CAP2: variants seen among roughly 807,000 people sequenced by gnomAD.
CAP2 encodes cyclase associated actin cytoskeleton regulatory protein 2, also known as adenylyl cyclase-associated protein 2.
A neutral mutation model predicts 57.7 loss-of-function variants in CAP2; 24 were observed. The ratio of observed to expected loss-of-function variants is 0.42; its 90% CI spans 0.30 to 0.58. CAP2 has a LOEUF of 0.58. CAP2 is among the 20% of genes least tolerant of loss of function. The pLI, the probability that CAP2 is intolerant of heterozygous loss-of-function variation, is 0.22. For synonymous variants in CAP2, 194 were observed against 207.2 expected, an observed-to-expected ratio of 0.94 and a Z score of 0.55; for missense variants, 501 against 590.3, an observed-to-expected ratio of 0.85 and a Z score of 1.57.
At chr6:17,412,929 G>T (rs188151656) in intron 1 of CAP2, among the ~76,000 whole-genome samples, 138 of 152,306 alleles carry the variant, frequency 9.1e-4, no homozygotes, top group African/African-American at 3.0e-3. Flanking sequence ...TCTTGGAGGA[G>T]CTGGGATTTG....
chr6:17,443,979 C>T (rs1197439346), intron 3 of CAP2, among the ~76,000 whole-genome samples: 1 of 152,134 alleles, frequency 6.6e-6, no homozygotes, highest in Non-Finnish European at 1.5e-5. Flanking sequence ...AATCCTTTCC[C>T]TTTTAGAAAA....
chr6:17,506,899 T>A (rs1392781984), intron 4 of CAP2, among the ~76,000 whole-genome samples: 1 of 152,208 alleles, frequency 6.6e-6, no homozygotes, highest in Non-Finnish European at 1.5e-5. Flanking sequence ...AAATGGGGGC[T>A]GTGCCATACT....
At chr6:17,431,406 T>C (rs1759730558) in intron 3 of CAP2, among the ~76,000 whole-genome samples, 1 of 152,152 alleles carries the variant, frequency 6.6e-6, no homozygotes, top group Non-Finnish European at 1.5e-5. Context: ...CAACTAAACG[T>C]AACACACATA....
chr6:17,434,376 G>A (rs1396057835), intron 3 of CAP2, among the ~76,000 whole-genome samples: 1 of 151,684 alleles, frequency 6.6e-6, no homozygotes, highest in Non-Finnish European at 1.5e-5. Flanking sequence ...CTATAGACCC[G>A]CACCACCAAG....
chr6:17,428,541 G>A (rs551922752), intron 3 of CAP2, among the ~76,000 whole-genome samples: 26 of 148,970 alleles, frequency 1.7e-4, no homozygotes, highest in African/African-American at 5.4e-4. Context: ...GGGGCTTTTC[G>A]CATATTCTCA....
intron 1 of CAP2, among the ~76,000 whole-genome samples, chr6:17,409,321 G>A (rs1321256020): frequency 6.6e-6 from 1 of 151,610 alleles, no homozygotes; most frequent in Non-Finnish European, 1.5e-5. Context: ...GCGGTGAGCC[G>A]AGATCACGCC....
intron 3 of CAP2, among the ~76,000 whole-genome samples, chr6:17,456,270 G>A (rs1324221895): frequency 2.0e-5 from 3 of 152,294 alleles, no homozygotes; most frequent in East Asian, 1.9e-4. Flanking sequence ...AGCCTTCTGC[G>A]AGGTGCATAA....
intron 7 of CAP2, among the ~76,000 whole-genome samples, chr6:17,529,666 ATATATG>A (rs1379677014): frequency 1.4e-5 from 2 of 146,732 alleles, no homozygotes; most frequent in East Asian, 3.9e-4. Context: ...ATATATATAT[ATATATG>A]TATAAACACA....
chr6:17,441,903 T>G (rs962338771), intron 3 of CAP2, among the ~76,000 whole-genome samples: 8 of 152,292 alleles, frequency 5.3e-5, no homozygotes, highest in African/African-American at 1.4e-4. Context: ...TTTTCTGTTA[T>G]GTACGTAACC....
Position 17,426,587 on chromosome 6 carries a change from A to G in CAP2, c.122-3A>G. 1 of 1,611,158 alleles carries G rather than the reference A, an allele frequency of 6.2e-7. No individual in the cohort carries two copies. Among genetic ancestry groups the G allele is most frequent in the Non-Finnish European group, 8.5e-7 (1 of 1,177,482 alleles). On this transcript the variant is annotated splice_polypyrimidine_tract_variant and splice_region_variant and intron_variant, in intron 2 of 12. Transcript: ENST00000229922. ...GGAATAACAAACTGCTCCTTTCCCC[A>G]AGGTGTGGCACCCTCCGTGGAAGCC...
chr6:17,429,813 G>A (rs1031473496), intron 3 of CAP2, among the ~76,000 whole-genome samples: 1 of 152,202 alleles, frequency 6.6e-6, no homozygotes, highest in African/African-American at 2.4e-5. Flanking sequence ...AGTACAGGCA[G>A]CTATAGTCCA....
At chr6:17,420,434 A>G (rs1312559057) in intron 1 of CAP2, among the ~76,000 whole-genome samples, 1 of 152,248 alleles carries the variant, frequency 6.6e-6, no homozygotes, top group Non-Finnish European at 1.5e-5. Context: ...ATAAGTGGAA[A>G]ACAATTAGCT....
At chr6:17,436,093 C>T (rs1759879298) in intron 3 of CAP2, among the ~76,000 whole-genome samples, 10 of 146,930 alleles carry the variant, frequency 6.8e-5, no homozygotes, top group African/African-American at 2.1e-4. Flanking sequence ...TTCTTTCCTT[C>T]CTTCCTTCCT....
intron 4 of CAP2, among the ~76,000 whole-genome samples, chr6:17,487,299 C>G (rs922302135): frequency 6.6e-6 from 1 of 152,230 alleles, no homozygotes; most frequent in East Asian, 1.9e-4. Flanking sequence ...GGTGCTGTCC[C>G]CCTTTCCCTG....
At chr6:17,499,117 G>T (rs1438269029) in intron 4 of CAP2, among the ~76,000 whole-genome samples, 1 of 151,996 alleles carries the variant, frequency 6.6e-6, no homozygotes, top group African/African-American at 2.4e-5. Flanking sequence ...TAAAATAAGG[G>T]CTTTAAAGTG....
At chr6:17,471,586 A>C (rs867306543) in intron 4 of CAP2, among the ~76,000 whole-genome samples, 34 of 152,168 alleles carry the variant, frequency 2.2e-4, no homozygotes, top group Admixed American at 3.3e-4. Context: ...TAATCCCAGC[A>C]CTTTGGGAGT....
chr6:17,456,389 C>T (rs556321033), intron 3 of CAP2, among the ~76,000 whole-genome samples: 1 of 152,286 alleles, frequency 6.6e-6, no homozygotes, highest in Non-Finnish European at 1.5e-5. Flanking sequence ...TAAGCAAAAT[C>T]ATGAAATGGG....
intron 4 of CAP2, among the ~76,000 whole-genome samples, chr6:17,466,271 T>C (rs1433327913): frequency 6.6e-6 from 1 of 152,224 alleles, no homozygotes; most frequent in Non-Finnish European, 1.5e-5. Context: ...CTCAGTGACA[T>C]ACAACAGTGA....
At chr6:17,531,066 T>G (rs1762627008) in intron 7 of CAP2, 3 of 778,922 alleles carry the variant, frequency 3.9e-6, no homozygotes, top group African/African-American at 1.7e-5. Context: ...ATAGATCTCA[T>G]GAATCAGATC....
Sources: allele counts gnomAD v4.1 joint callset (sites outside exome capture counted in the v4.1 genomes callset), GRCh38; gene constraint gnomAD v4.1.1; transcripts MANE v1.5; gene names NCBI Gene and HGNC (gene_info 2026-07-23, HGNC 2026-07-21).